PTK7: variants seen among roughly 807,000 people sequenced by gnomAD.
PTK7 encodes inactive tyrosine-protein kinase 7.
In PTK7, 39 loss-of-function variants were observed where a neutral mutation model predicts 116.6. The ratio of observed to expected loss-of-function variants is 0.33; its 90% confidence interval spans 0.26 to 0.44. PTK7 has a LOEUF of 0.44. PTK7 is among the 20% of genes least tolerant of loss of function. PTK7 has a pLI of 1.00. For missense variants in PTK7, 1,169 were observed against 1,425.6 expected (o/e 0.82, Z 2.90); for synonymous variants, 546 against 563.6 (o/e 0.97, Z 0.44).
At chr6:43,140,323 C>T (rs1384770127) in intron 10 of PTK7, among the ~76,000 whole-genome samples, 6 of 151,722 alleles carry the variant, frequency 4.0e-5, no homozygotes, top group African/African-American at 1.2e-4. Context: ...GGTGGCGGCA[C>T]GCATCTGTAG....
intron 17 of PTK7, among the ~76,000 whole-genome samples, chr6:43,158,466 A>T (rs1771646801): frequency 6.6e-6 from 1 of 152,144 alleles, no homozygotes; most frequent in African/African-American, 2.4e-5. Flanking sequence ...AGACCCTGTC[A>T]CTTGAAAATA....
chr6:43,159,714 G>A (rs762774292), intron 18 of PTK7, 74 bp from the exon 19 acceptor site: 1 of 1,504,446 alleles, frequency 6.6e-7, no homozygotes, highest in African/African-American at 1.4e-5. Flanking sequence ...ATGCGTTCCA[G>A]ATGGGGAGAT....
chr6:43,104,854 C>T (rs1176880857), intron 1 of PTK7, among the ~76,000 whole-genome samples: 2 of 148,794 alleles, frequency 1.3e-5, no homozygotes, highest in African/African-American at 2.5e-5. Flanking sequence ...ACTCTGTCGC[C>T]CAGGCTGGAG....
intron 1 of PTK7, among the ~76,000 whole-genome samples, chr6:43,120,926 TA>T (rs1768919137): frequency 6.6e-6 from 1 of 151,942 alleles, no homozygotes; most frequent in South Asian, 2.1e-4. Context: ...CCACAGCCAA[TA>T]AAGGGTCACT....
At chr6:43,128,408 C>G (rs754993423) in intron 1 of PTK7, among the ~76,000 whole-genome samples, 8 of 152,236 alleles carry the variant, frequency 5.3e-5, no homozygotes, top group Non-Finnish European at 1.2e-4. Context: ...TAACTGTGTT[C>G]TGTGTGCCCC....
rs894216479 is a variant in PTK7, at chr6:43,102,600, CA to C, written c.79+26042del. 7.0e-5 allele frequency among the ~76,000 whole-genome samples: 10 copies of C among 142,072 alleles called. No individual in the cohort carries two copies. The South Asian group carries it at 2.2e-3, about 32-fold the overall frequency. The allele number at this position is 142,072 out of a possible 152,430, so 93.2% of individuals were successfully genotyped here. Reference sequence around the variant, plus strand: ...CAAGACTTTGTTCCCCCTACCCCACCAAAAAAAAACCAAAAAAAAACAAACC... The same window carrying C: ...CAAGACTTTGTTCCCCCTACCCCACCAAAAAAAACCAAAAAAAAACAAACC... On this transcript the variant is annotated intron_variant, in intron 1 of 19. Transcript: ENST00000230419.
rs1376091247 is a variant in PTK7, at chr6:43,092,732, CTATAACTGTGATGGTTATCTGTGGAGGT to C, written c.79+16202_79+16229del. ...ACTGTGAATGCTCAGTAAAAGTTGG[CTATAACTGTGATGGTTATCTGTGGAGGT>C]TATAACTGTGATGGTTATCTGTGGA... On this transcript the variant is annotated intron_variant, in intron 1 of 19. Coordinates refer to ENST00000230419, the MANE Select transcript of PTK7 (RefSeq NM_002821.5). 3.3e-5 allele frequency among the ~76,000 whole-genome samples: 5 copies of C among 152,202 alleles called. No individual in the cohort carries two copies. The East Asian group carries it at 5.8e-4, about 18-fold the overall frequency.
chr6:43,094,510 G>A (rs1433222565), intron 1 of PTK7, among the ~76,000 whole-genome samples: 1 of 151,370 alleles, frequency 6.6e-6, no homozygotes, highest in Non-Finnish European at 1.5e-5. Context: ...CGTCGCCCAG[G>A]CTGGAGTGCA....
chr6:43,152,216 A>G (rs1159790673), intron 17 of PTK7, among the ~76,000 whole-genome samples: 3 of 121,056 alleles, frequency 2.5e-5, no homozygotes, highest in Non-Finnish European at 1.6e-5. Context: ...CTGAGATTTT[A>G]TGTCTTCACT....
At chr6:43,150,988 A>G (rs560545256) in intron 17 of PTK7, among the ~76,000 whole-genome samples, 11 of 150,444 alleles carry the variant, frequency 7.3e-5, no homozygotes, top group African/African-American at 2.7e-4. Context: ...ACACCCAACT[A>G]ATTTTTGTAT....
At position 43,129,688 on chromosome 6, in the gene PTK7, C is replaced by T. The variant is rs770572944; in HGVS notation, c.368-39C>T. On this transcript the variant is annotated intron_variant, in intron 2 of 19. Transcript: ENST00000230419. The surrounding 1 kb of genome is among the most constrained non-coding windows in gnomAD (Gnocchi z 4.5). ...TGCCCTCTGCCTTCCCGCCTTTGCC[C>T]TGCTCTGCCCCTCACTGCAACCGTG... 1.0e-5 allele frequency: 16 copies of T among 1,583,986 alleles called. No individual in the cohort carries two copies. The highest frequency in any genetic ancestry group is 1.4e-5 in the Non-Finnish European group (16 of 1,153,180).
rs1421526388 is a variant in PTK7, at chr6:43,141,228, T to A, written c.1619-440T>A. ...AAAAGGTTGGACCAATTTTGACATT[T>A]CCACCTAGAGTGAGAGAGTACAGTT... On this transcript the variant is annotated intron_variant, in intron 10 of 19. Coordinates refer to ENST00000230419, the MANE Select transcript of PTK7 (RefSeq NM_002821.5). The surrounding 1 kb of genome is among the most constrained non-coding windows in gnomAD (Gnocchi z 4.9). Among the ~76,000 whole-genome samples the A allele has an allele frequency of 6.6e-6, 1 of 152,184 alleles. No homozygotes were observed. Among genetic ancestry groups the A allele is most frequent in the Non-Finnish European group, 1.5e-5 (1 of 68,030 alleles).
chr6:43,076,813 C>T lies in PTK7; in HGVS notation c.79+246C>T, dbSNP rs1766043986. ...CGCCGCGGGGACGCATTTCCAGCCTCCCTGAGTTTTTCTGGTCTGAGCCGA... is the reference window on the plus strand; with the variant it reads ...CGCCGCGGGGACGCATTTCCAGCCTTCCTGAGTTTTTCTGGTCTGAGCCGA... On this transcript the variant is annotated intron_variant, in intron 1 of 19. Transcript: ENST00000230419. This position sits in a 1 kb window ranked among gnomAD's most constrained non-coding sequence, Gnocchi z 5.7. 2.1e-6 allele frequency: 3 copies of T among 1,412,356 alleles called. No homozygotes were observed. The highest frequency in any genetic ancestry group is 2.9e-5 in the African/African-American group (2 of 68,028). 87.5% of individuals were successfully genotyped at this position (1,412,356 alleles called of 1,614,324 possible).
intron 17 of PTK7, among the ~76,000 whole-genome samples, chr6:43,151,881 G>A (rs1582214981): frequency 1.9e-5 from 2 of 103,342 alleles, no homozygotes; most frequent in East Asian, 3.0e-4. Context: ...GTCTCGCTCT[G>A]TCGCCCAGGC....
intron 1 of PTK7, among the ~76,000 whole-genome samples, chr6:43,094,731 G>GACC: frequency 6.6e-6 from 1 of 151,922 alleles, no homozygotes; most frequent in Non-Finnish European, 1.5e-5. Flanking sequence ...GCCCGTCTCT[G>GACC]TCTCCCAAAG....
At chr6:43,092,266 T>G (rs771858138) in intron 1 of PTK7, among the ~76,000 whole-genome samples, 9 of 152,018 alleles carry the variant, frequency 5.9e-5, no homozygotes, top group Non-Finnish European at 8.8e-5. Context: ...CTCGACCTCC[T>G]GGGCTCAAGT....
At chr6:43,102,184 G>A (rs1158965919) in intron 1 of PTK7, among the ~76,000 whole-genome samples, 2 of 152,108 alleles carry the variant, frequency 1.3e-5, no homozygotes, top group African/African-American at 4.8e-5. Context: ...CAGCACTTTG[G>A]GAGGCCGAGG....
Position 43,088,690 on chromosome 6 carries a change from AAAATAAATAAATAAATAAAT to A in PTK7, c.79+12147_79+12166del, listed in dbSNP as rs57382055. Among the ~76,000 whole-genome samples, 12 of 149,238 alleles carry A rather than the reference AAAATAAATAAATAAATAAAT, an allele frequency of 8.0e-5. No homozygotes were observed. The East Asian group carries it at 1.2e-3, about 15-fold the overall frequency. On this transcript the variant is annotated intron_variant, in intron 1 of 19. Coordinates refer to ENST00000230419, the MANE Select transcript of PTK7 (RefSeq NM_002821.5). ...CTGGGTGAGAGTGAGACGCCATCTC[AAAATAAATAAATAAATAAAT>A]AAATAAATAAATAAATAAATAAAGA...
At position 43,132,687 on chromosome 6, in the gene PTK7, A is replaced by T. The variant is rs34021075; in HGVS notation, c.1228A>T (p.Thr410Ser). The T allele has an allele frequency of 0.018, 28,131 of 1,559,566 alleles. 363 individuals carry two copies. The highest frequency in any genetic ancestry group is 0.022 in the Non-Finnish European group (25,441 of 1,151,612). ...ACAGGATGTCAACATCACTGTGGCC[A>T]GTGAGCACCTTTGCCCTGAAGGTCA... ...RRQDVNITVA[T>S]VPSWLKKPQD... is the part of the protein sequence containing the mutation. The change falls in exon 7 of 20, where the codon ACT becomes TCT. Residue 410 changes from threonine to serine, a missense_variant and splice_region_variant. Thr to Ser is a moderately conservative substitution (Grantham distance 58, BLOSUM62 1). Around this residue, in one of 3 missense-constraint regions of PTK7, gnomAD observed 4 missense variants for 22.0 expected, o/e 0.18. Transcript: ENST00000230419.
Sources: gnomAD v4.1 joint callset for allele counts (sites outside exome capture counted in the v4.1 genomes callset) on GRCh38, gnomAD v4.1.1 for gene constraint, gnomAD v4.1.1 regional missense constraint, Gnocchi (gnomAD v3.1) non-coding constraint, MANE v1.5 for transcripts, NCBI Gene and HGNC (gene_info 2026-07-23, HGNC 2026-07-21) for gene names.